MATR3: variants seen among roughly 807,000 people sequenced by gnomAD.
MATR3 encodes the protein matrin 3, also known as matrin-3.
A neutral mutation model predicts 85.5 loss-of-function variants in MATR3; 4 were observed. That is an observed-to-expected ratio of 0.05 (90% CI 0.02 to 0.11). MATR3 has a LOEUF of 0.11. MATR3 is among the 10% of genes least tolerant of loss of function. The pLI is 1.00. For missense variants in MATR3, 685 were observed against 1,016.1 expected (o/e 0.67, Z 4.43); for synonymous variants, 336 against 343.1 (o/e 0.98, Z 0.23).
rs1755847234 is a variant in MATR3, at chr5:139,326,291, T to C, written c.2493+7T>C. The stretch of plus-strand genomic sequence containing the variant: ...TCATTATCAGAAATTAAAGGTAAGG[T>C]TGAATGTAAAACAGTTCTTTTGTGA... On this transcript the variant is annotated splice_region_variant and intron_variant, in intron 14 of 14. Coordinates refer to ENST00000394805, the MANE Select transcript of MATR3 (RefSeq NM_018834.6). 6.2e-7 allele frequency: 1 copy of C among 1,609,736 alleles called. No homozygotes were observed. The highest frequency in any genetic ancestry group is 1.1e-5 in the South Asian group (1 of 91,022).
chr5:139,278,708 T>A (rs554662043), intron 2 of MATR3: 5 of 464,536 alleles, frequency 1.1e-5, no homozygotes, highest in African/African-American at 9.8e-5. Context: ...CAGTCAATAT[T>A]CAACTGATAC....
intron 14 of MATR3, 140 bp downstream of exon 14, chr5:139,326,424 T>C: frequency 1.1e-5 from 6 of 552,494 alleles, no homozygotes; most frequent in South Asian, 9.0e-5. Flanking sequence ...TTTATTTACT[T>C]TTTTTTTTTT....
At chr5:139,295,185 C>T (rs1024058730) in intron 1 of MATR3, among the ~76,000 whole-genome samples, 2 of 152,170 alleles carry the variant, frequency 1.3e-5, no homozygotes, top group African/African-American at 4.8e-5. Flanking sequence ...CATTTCTTTA[C>T]TAATGGCTCA....
rs764723414 is a variant in MATR3, at chr5:139,318,925, A to G, written c.1326A>G (p.Ala442=). 2 of 1,614,242 alleles carry G rather than the reference A, an allele frequency of 1.2e-6. No individual in the cohort carries two copies. Among genetic ancestry groups the G allele is most frequent in the South Asian group, 1.1e-5 (1 of 91,092 alleles). The part of the protein sequence containing the change: ...NKINEAFIEM[A]TTEDAQAAVD... ...AATTTCAGGCATTTATTGAAATGGC[A>G]ACCACAGAGGATGCTCAGGCCGCAG... Residue 442 remains alanine, a synonymous_variant, in exon 8 of 15, where the codon GCA becomes GCG. Coordinates refer to ENST00000394805, the MANE Select transcript of MATR3 (RefSeq NM_018834.6).
intron 2 of MATR3, chr5:139,314,355 T>A (rs1755141367): frequency 3.0e-6 from 1 of 336,680 alleles, no homozygotes. Context: ...CAGTAAAAAT[T>A]AATAAGCCTT....
intron 3 of MATR3, among the ~76,000 whole-genome samples, chr5:139,286,843 CA>C (rs72412077): frequency 1.4e-3 from 185 of 135,230 alleles, no homozygotes; most frequent in African/African-American, 2.2e-3. Context: ...GACTCCGTCT[CA>C]AAAAAAAAAA....
At chr5:139,315,963 CT>C in intron 4 of MATR3, 112 bp from the exon 5 acceptor site, 2 of 874,982 alleles carry the variant, frequency 2.3e-6, no homozygotes, top group Non-Finnish European at 3.9e-6. Context: ...CACAGATACT[CT>C]GAAAGATTGA....
At chr5:139,299,890 C>T (rs902737448) in intron 1 of MATR3, 4 of 152,174 alleles carry the variant, frequency 2.6e-5, no homozygotes, top group Non-Finnish European at 5.9e-5. Flanking sequence ...CTGATTTCGT[C>T]TGATCTTGGA....
chr5:139,315,912 G>C (rs1755217022), intron 4 of MATR3, 164 bp from the exon 5 acceptor site: 7 of 752,090 alleles, frequency 9.3e-6, no homozygotes. Flanking sequence ...GTAGTAATTT[G>C]TATTCTTTTA....
chr5:139,311,430 A>G (rs1364703619), intron 2 of MATR3: 1 of 152,194 alleles, frequency 6.6e-6, no homozygotes, highest in Non-Finnish European at 1.5e-5. Context: ...CCGTAAACCA[A>G]CCAGTAATAG....
chr5:139,306,651 T>C (rs1240040309), intron 1 of MATR3, among the ~76,000 whole-genome samples: 4 of 152,322 alleles, frequency 2.6e-5, no homozygotes, highest in South Asian at 4.1e-4. Flanking sequence ...AAATGACTTA[T>C]TTTTCTTATT....
chr5:139,274,447 G>A (rs1753190519), intron 1 of MATR3: 2 of 209,178 alleles, frequency 9.6e-6, no homozygotes, highest in Non-Finnish European at 2.0e-5. Context: ...AGGAACAAAT[G>A]TCCGGTGGAA....
At chr5:139,276,422 G>A (rs547215169) in intron 2 of MATR3, 5 of 325,432 alleles carry the variant, frequency 1.5e-5, no homozygotes, top group South Asian at 1.3e-4. Flanking sequence ...TAACACTAAC[G>A]ATAACTGATA....
intron 9 of MATR3, among the ~76,000 whole-genome samples, chr5:139,321,303 C>G (rs1437989439): frequency 6.6e-6 from 1 of 152,084 alleles, no homozygotes; most frequent in Admixed American, 6.5e-5. Flanking sequence ...TAGGCACACT[C>G]CACCAGGCCC....
At chr5:139,318,550 C>T (rs1755374146) in intron 7 of MATR3, among the ~76,000 whole-genome samples, 1 of 152,322 alleles carries the variant, frequency 6.6e-6, no homozygotes, top group South Asian at 2.1e-4. Context: ...AGCCATTCTC[C>T]TGCCTCAGCC....
At chr5:139,317,939 C>T (rs1217443583) in intron 7 of MATR3, among the ~76,000 whole-genome samples, 3 of 152,036 alleles carry the variant, frequency 2.0e-5, no homozygotes, top group Non-Finnish European at 2.9e-5. Context: ...TAGTAATTGT[C>T]ATTATACTAC....
At chr5:139,286,491 A>G (rs987819013) in intron 3 of MATR3, among the ~76,000 whole-genome samples, 1 of 148,808 alleles carries the variant, frequency 6.7e-6, no homozygotes, top group African/African-American at 2.5e-5. Context: ...TAATTTTATT[A>G]TTTATTTCTG....
intron 2 of MATR3, chr5:139,314,345 C>G: frequency 3.0e-6 from 1 of 329,638 alleles, no homozygotes; most frequent in Non-Finnish European, 5.9e-6. Context: ...GTTTGGTCCA[C>G]AGTAAAAATT....
At chr5:139,321,065 T>A (rs1200054006) in intron 9 of MATR3, among the ~76,000 whole-genome samples, 1 of 151,578 alleles carries the variant, frequency 6.6e-6, no homozygotes, top group Non-Finnish European at 1.5e-5. Flanking sequence ...AGCTTATTAC[T>A]TTTTTGCAGA....
Sources: gnomAD v4.1 joint callset for allele counts (sites outside exome capture counted in the v4.1 genomes callset) on GRCh38, gnomAD v4.1.1 for gene constraint, MANE v1.5 for transcripts, NCBI Gene and HGNC (gene_info 2026-07-23, HGNC 2026-07-21) for gene names.